The following RSRP1 variants were observed in gnomAD, a reference collection of about 807,000 sequenced individuals.
RSRP1 encodes arginine and serine rich protein 1.
RSRP1 carries 37 observed loss-of-function variants against 33.0 expected under a neutral mutation model. The observed-to-expected ratio is 1.12, with a 90% CI of 0.86 to 1.48. RSRP1 has a LOEUF of 1.48. RSRP1 is among the 40% of genes most tolerant of loss of function. RSRP1 has a pLI of 0.00. For missense variants in RSRP1, 402 were observed against 385.3 expected (o/e 1.04, Z -0.36); for synonymous variants, 167 against 158.7 (o/e 1.05, Z -0.40).
chr1:25,282,298 G>C (rs1436315262), intron 1 of RSRP1, among the ~76,000 whole-genome samples: 1 of 131,118 alleles, frequency 7.6e-6, no homozygotes. Flanking sequence ...GCAGTGGTGC[G>C]GTCTCAGCTC....
At chr1:25,316,489 G>A (rs1380612103) in intron 1 of RSRP1, among the ~76,000 whole-genome samples, 3 of 119,736 alleles carry the variant, frequency 2.5e-5, no homozygotes, top group South Asian at 2.6e-4. Flanking sequence ...GTATGGTGGC[G>A]CATGCCTGTA....
Position 25,283,710 on chromosome 1 carries a change from G to A in RSRP1, c.-66-36681C>T, listed in dbSNP as rs1302958368. Reference sequence around the variant, plus strand: ...AAAACAGCGTAGGCACATGGTAAACGCTTAGGAAATGTAGGCTGTTATAAA... The same window carrying A: ...AAAACAGCGTAGGCACATGGTAAACACTTAGGAAATGTAGGCTGTTATAAA... On this transcript the variant is annotated intron_variant, in intron 1 of 1. Transcript: ENST00000561867. Among the ~76,000 whole-genome samples the A allele has an allele frequency of 1.1e-4, 15 of 133,942 alleles. 3 individuals are homozygous for A. Among genetic ancestry groups the A allele is most frequent in the African/African-American group, 2.1e-4 (8 of 38,144 alleles). The allele number at this position is 133,942 out of a possible 152,430, so 87.9% of individuals were successfully genotyped here.
chr1:25,303,531 C>T, intron 1 of RSRP1: 1 of 1,287,274 alleles, frequency 7.8e-7, no homozygotes, highest in Non-Finnish European at 1.1e-6. Flanking sequence ...TGATGGGCCA[C>T]TGTGCAGTGC....
intron 1 of RSRP1, among the ~76,000 whole-genome samples, chr1:25,258,891 T>C (rs187212901): frequency 6.6e-6 from 1 of 152,306 alleles, no homozygotes; most frequent in Admixed American, 6.5e-5. Context: ...TATCCAATGT[T>C]CGCGCAGGCA....
At position 25,312,948 on chromosome 1, in the gene RSRP1, A is replaced by AAAAAAAAC. The variant is rs752824734; in HGVS notation, c.-67+25022_-67+25029dup. On this transcript the variant is annotated intron_variant, in intron 1 of 1. Coordinates refer to the RSRP1 transcript ENST00000561867. ...AAAAAAAAAAAAAAAAAAAAAAAAA[A>AAAAAAAAC]AAAAAAACTTTAGTGCTATTGGAAT... Among the ~76,000 whole-genome samples the AAAAAAAAC allele has an allele frequency of 1.8e-3, 196 of 110,678 alleles. 33 individuals are homozygous for AAAAAAAAC. Among genetic ancestry groups the AAAAAAAAC allele is most frequent in the Non-Finnish European group, 3.2e-3 (145 of 45,870 alleles). 72.6% of individuals were successfully genotyped at this position (110,678 alleles called of 152,430 possible). A position where few individuals can be genotyped will look rare whatever the true frequency, so the allele number is the denominator to read the frequency against.
At position 25,291,593 on chromosome 1, in the gene RSRP1, A is replaced by T. The variant is rs1323633462; in HGVS notation, c.-66-44564T>A. ...ACAAACCAATGCCTTTAACTACTAC[A>T]GTATAATCCTGTAGGATTGTGCTAT... On this transcript the variant is annotated intron_variant, in intron 1 of 1. Transcript: ENST00000561867. Among the ~76,000 whole-genome samples the T allele has an allele frequency of 2.3e-5, 3 of 133,074 alleles. 1 individual carries two copies. Among genetic ancestry groups the T allele is most frequent in the Admixed American group, 2.2e-4 (3 of 13,712 alleles). The allele number at this position is 133,074 out of a possible 152,430, so 87.3% of individuals were successfully genotyped here. A position where few individuals can be genotyped will look rare whatever the true frequency, so the allele number is the denominator to read the frequency against.
chr1:25,254,427 G>A (rs1211236072), intron 1 of RSRP1, among the ~76,000 whole-genome samples: 1 of 66,174 alleles, frequency 1.5e-5, no homozygotes, highest in African/African-American at 6.3e-5. Context: ...GAGATGTTAT[G>A]AATAGGTTTT....
Position 25,246,608 on chromosome 1 carries a change from G to C in RSRP1, c.356C>G (p.Ser119Trp), listed in dbSNP as rs779557837. The C allele has an allele frequency of 1.2e-6, 2 of 1,613,996 alleles. No homozygotes were observed. The highest frequency in any genetic ancestry group is 1.7e-6 in the Non-Finnish European group (2 of 1,180,046). The change falls in exon 2 of 5, where the codon TCG (serine) becomes TGG (tryptophan). Residue 119 changes from serine to tryptophan, a missense_variant. Coordinates refer to ENST00000243189, the MANE Select transcript of RSRP1 (RefSeq NM_020317.5). ...GCAGTACGACCTTCCCCGAGAGCGC[G>C]ACCTGCTACGGGACCGGGACCGGTA... is the stretch of plus-strand genomic sequence containing the variant. ...SRYRSRSRSR[S>W]RSRGRSYCGR...
intron 4 of RSRP1, 115 bp from the exon 5 acceptor site, chr1:25,242,820 G>A (rs1193521253): frequency 1.3e-6 from 1 of 741,760 alleles, no homozygotes; most frequent in Non-Finnish European, 2.2e-6. Flanking sequence ...TCAATTGCTG[G>A]GCGCGGTGGC....
At chr1:25,329,535 GC>G in intron 1 of RSRP1, 1 of 178,698 alleles carries the variant, frequency 5.6e-6, no homozygotes, top group Non-Finnish European at 1.3e-5. Context: ...GAGCCACTGT[GC>G]CCAGCCTTGT....
At position 25,272,697 on chromosome 1, in the gene RSRP1, T is replaced by C; in HGVS notation, c.-66-25668A>G. Reference sequence around the variant, plus strand: ...AGGGGCTCGTGGCATCCTATCAAGGTGAGAGTTCATTGGAAAAGTGGTCAC... The same window carrying C: ...AGGGGCTCGTGGCATCCTATCAAGGCGAGAGTTCATTGGAAAAGTGGTCAC... On this transcript the variant is annotated intron_variant, in intron 1 of 1. Transcript: ENST00000561867. 5.6e-6 allele frequency: 8 copies of C among 1,425,078 alleles called. 1 individual carries two copies. Among genetic ancestry groups the C allele is most frequent in the Non-Finnish European group, 7.9e-6 (8 of 1,016,724 alleles). 88.3% of individuals were successfully genotyped at this position (1,425,078 alleles called of 1,614,324 possible).
chr1:25,289,203 TTG>T lies in RSRP1; in HGVS notation c.-66-42176_-66-42175del, dbSNP rs377251702. 3.0e-5 allele frequency among the ~76,000 whole-genome samples: 4 copies of T among 131,974 alleles called. 1 individual carries two copies. Among genetic ancestry groups the T allele is most frequent in the African/African-American group, 1.0e-4 (4 of 38,650 alleles). The allele number at this position is 131,974 out of a possible 152,430, so 86.6% of individuals were successfully genotyped here. A position where few individuals can be genotyped will look rare whatever the true frequency, so the allele number is the denominator to read the frequency against. On this transcript the variant is annotated intron_variant, in intron 1 of 1. Transcript: ENST00000561867. ...CGATTTTACAGAGAGTGAATTTTTT[TTG>T]TGTGTGTGTGAGGCAGTCTTACTCT...
At chr1:25,252,693 C>A (rs758496239) in intron 1 of RSRP1, among the ~76,000 whole-genome samples, 2 of 152,158 alleles carry the variant, frequency 1.3e-5, no homozygotes, top group Non-Finnish European at 2.9e-5. Flanking sequence ...GCAACTACGC[C>A]CAGCTAATTT....
In RSRP1 at chr1:25,246,731, G is replaced by A. The variant is rs968671886; in HGVS notation, c.233C>T (p.Ser78Leu). Reference protein sequence around the residue: ...RRHQRKYRRYSRSYSRSRSRS... With the variant: ...RRHQRKYRRYLRSYSRSRSRS... ...CGACCGGCTCCGCGAGTATGACCGC[G>A]AGTAGCGCCTGTACTTCCGCTGGTG... is the stretch of plus-strand genomic sequence containing the variant. Residue 78 changes from serine to leucine, a missense_variant, in exon 2 of 5, where the codon TCG becomes TTG. By Grantham distance (145) the Ser-to-Leu change is moderately radical. Coordinates refer to ENST00000243189, the MANE Select transcript of RSRP1 (RefSeq NM_020317.5). The A allele has an allele frequency of 1.9e-6, 3 of 1,607,604 alleles. No individual in the cohort carries two copies. The highest frequency in any genetic ancestry group is 1.1e-5 in the South Asian group (1 of 90,908).
chr1:25,299,695 A>G (rs1643231382), intron 1 of RSRP1, among the ~76,000 whole-genome samples: 1 of 132,506 alleles, frequency 7.5e-6, no homozygotes, highest in Admixed American at 7.3e-5. Context: ...ACTTTGAGTG[A>G]CATGGGAGCC....
chr1:25,271,892 T>A (rs1640535331), intron 1 of RSRP1, among the ~76,000 whole-genome samples: 1 of 131,096 alleles, frequency 7.6e-6, no homozygotes, highest in African/African-American at 2.6e-5. Context: ...AACCCACATC[T>A]CCTTTCTCTT....
Position 25,297,880 on chromosome 1 carries a change from G to GC in RSRP1, c.-67+40097dup, listed in dbSNP as rs201883502. 6.2e-3 allele frequency among the ~76,000 whole-genome samples: 813 copies of GC among 131,800 alleles called. 125 individuals carry two copies. The highest frequency in any genetic ancestry group is 0.02 in the African/African-American group (776 of 38,444). 86.5% of individuals were successfully genotyped at this position (131,800 alleles called of 152,430 possible). A position where few individuals can be genotyped will look rare whatever the true frequency, so the allele number is the denominator to read the frequency against. On this transcript the variant is annotated intron_variant, in intron 1 of 1. Coordinates refer to the RSRP1 transcript ENST00000561867. Reference sequence around the variant, plus strand: ...CAAAGAACCTCCAAGGGCAGGAGGTGCTGCCAGACTCAGGAGGGCACTAGA... The same window carrying GC: ...CAAAGAACCTCCAAGGGCAGGAGGTGCCTGCCAGACTCAGGAGGGCACTAGA...
chr1:25,250,896 C>A (rs1337720069), upstream of RSRP1, among the ~76,000 whole-genome samples: 3 of 152,108 alleles, frequency 2.0e-5, no homozygotes, highest in East Asian at 1.9e-4. Flanking sequence ...GTAATCCCAG[C>A]TACTCAGGAG....
At chr1:25,276,531 C>CAAAAAAAAAAAAAA (rs1640993917) in intron 1 of RSRP1, among the ~76,000 whole-genome samples, 1 of 13,764 alleles carries the variant, frequency 7.3e-5, no homozygotes, top group African/African-American at 2.0e-4. Flanking sequence ...CCCCCCATCT[C>CAAAAAAAAAAAAAA]TAAAAAAAAA....
Sources: gnomAD v4.1 joint callset for allele counts (sites outside exome capture counted in the v4.1 genomes callset) on GRCh38, gnomAD v4.1.1 for gene constraint, MANE v1.5 for transcripts, NCBI Gene and HGNC (gene_info 2026-07-23, HGNC 2026-07-21) for gene names.